LRRC4C: variants seen among roughly 807,000 people sequenced by gnomAD.
LRRC4C encodes the protein leucine-rich repeat-containing protein 4C.
A neutral mutation model predicts 33.6 loss-of-function variants in LRRC4C; 5 were observed. The observed-to-expected ratio is 0.15, with a 90% confidence interval of 0.08 to 0.31. The LOEUF (loss-of-function observed/expected upper bound fraction) is 0.31, where lower values mean the gene tolerates loss of function less well. LRRC4C is among the 10% of genes least tolerant of loss of function. LRRC4C has a pLI of 1.00. For synonymous variants in LRRC4C, 329 were observed against 302.0 expected, an observed-to-expected ratio of 1.09 and a Z score of -0.93; for missense variants, 560 against 796.7, an observed-to-expected ratio of 0.70 and a Z score of 3.58.
chr11:41,444,341 C>T (rs985294076), intron 1 of LRRC4C, among the ~76,000 whole-genome samples: 3 of 152,166 alleles, frequency 2.0e-5, no homozygotes, highest in Admixed American at 2.0e-4. Flanking sequence ...AACTACATAG[C>T]ATTTCTGTTG....
intron 3 of LRRC4C, among the ~76,000 whole-genome samples, chr11:40,443,093 G>A (rs972632775): frequency 2.6e-5 from 4 of 152,126 alleles, no homozygotes; most frequent in African/African-American, 7.2e-5. Flanking sequence ...GGCCAACTGA[G>A]ACTCATAAGA....
intron 2 of LRRC4C, among the ~76,000 whole-genome samples, chr11:40,849,514 T>G (rs569706745): frequency 6.6e-6 from 1 of 152,330 alleles, no homozygotes; most frequent in Non-Finnish European, 1.5e-5. Flanking sequence ...AGATCCCCTG[T>G]TAGTCTGATG....
At chr11:40,745,807 C>T (rs1948388663) in intron 2 of LRRC4C, among the ~76,000 whole-genome samples, 1 of 152,016 alleles carries the variant, frequency 6.6e-6, no homozygotes, top group South Asian at 2.1e-4. Flanking sequence ...ACCTATTGTT[C>T]CTGGAAGGAA....
intron 3 of LRRC4C, among the ~76,000 whole-genome samples, chr11:40,612,392 G>T (rs1961318460): frequency 6.6e-6 from 1 of 151,778 alleles, no homozygotes; most frequent in African/African-American, 2.4e-5. Context: ...GGGATAAAGA[G>T]GTAATGAGGA....
intron 3 of LRRC4C, among the ~76,000 whole-genome samples, chr11:40,412,481 T>G (rs1269204589): frequency 1.3e-5 from 2 of 152,064 alleles, no homozygotes; most frequent in African/African-American, 4.8e-5. Context: ...CCTTCTTACA[T>G]GTAATGATTT....
chr11:41,124,377 A>C (rs2902117), intron 1 of LRRC4C, among the ~76,000 whole-genome samples: 29,565 of 152,174 alleles, frequency 0.19, 3,090 homozygotes, highest in Non-Finnish European at 0.24. Flanking sequence ...TCAGTAAAAA[A>C]TATAAGCCAC....
chr11:41,376,005 A>T (rs1171271479), intron 1 of LRRC4C, among the ~76,000 whole-genome samples: 1 of 152,002 alleles, frequency 6.6e-6, no homozygotes, highest in South Asian at 2.1e-4. Context: ...ATTCACATAT[A>T]AATTGATATT....
At chr11:40,912,206 A>G (rs1213027992) in intron 2 of LRRC4C, among the ~76,000 whole-genome samples, 2 of 152,124 alleles carry the variant, frequency 1.3e-5, no homozygotes, top group Non-Finnish European at 2.9e-5. Flanking sequence ...TGCCACAAAG[A>G]TACTCCTTGA....
At chr11:40,830,193 G>T (rs1322849598) in intron 2 of LRRC4C, among the ~76,000 whole-genome samples, 1 of 152,042 alleles carries the variant, frequency 6.6e-6, no homozygotes, top group Non-Finnish European at 1.5e-5. Context: ...CAATAACTGC[G>T]GTTGAATATG....
At chr11:40,532,733 G>T (rs2135323388) in intron 3 of LRRC4C, among the ~76,000 whole-genome samples, 1 of 152,084 alleles carries the variant, frequency 6.6e-6, no homozygotes, top group African/African-American at 2.4e-5. Context: ...GTAAGAATAA[G>T]CATGGGACCA....
intron 2 of LRRC4C, among the ~76,000 whole-genome samples, chr11:40,663,706 G>A (rs1279024393): frequency 6.6e-6 from 1 of 152,166 alleles, no homozygotes; most frequent in Non-Finnish European, 1.5e-5. Flanking sequence ...TCAACATGAA[G>A]TTATACAAGT....
At chr11:40,179,963 T>C (rs1014692427) in intron 5 of LRRC4C, among the ~76,000 whole-genome samples, 2 of 152,178 alleles carry the variant, frequency 1.3e-5, no homozygotes, top group Non-Finnish European at 2.9e-5. Flanking sequence ...AATAGATAGA[T>C]GTATCACACT....
At chr11:40,893,619 T>C (rs1252812813) in intron 2 of LRRC4C, among the ~76,000 whole-genome samples, 1 of 152,082 alleles carries the variant, frequency 6.6e-6, no homozygotes, top group East Asian at 1.9e-4. Flanking sequence ...ACTTAGATGA[T>C]TTAATCTCAC....
At chr11:41,174,834 G>A (rs988394948) in intron 1 of LRRC4C, among the ~76,000 whole-genome samples, 10 of 151,688 alleles carry the variant, frequency 6.6e-5, no homozygotes, top group African/African-American at 2.4e-4. Flanking sequence ...TCTTAGAAAA[G>A]CACCTCAAAT....
chr11:41,327,258 A>G (rs1951150762), intron 1 of LRRC4C, among the ~76,000 whole-genome samples: 1 of 152,170 alleles, frequency 6.6e-6, no homozygotes, highest in Non-Finnish European at 1.5e-5. Flanking sequence ...ATTACAATGT[A>G]GTTGGTGTGT....
At chr11:40,685,911 C>A (rs897607437) in intron 2 of LRRC4C, among the ~76,000 whole-genome samples, 10 of 151,842 alleles carry the variant, frequency 6.6e-5, no homozygotes, top group African/African-American at 2.2e-4. Flanking sequence ...TAAAAATGAT[C>A]CTTGACTCTA....
chr11:40,744,998 T>C (rs1456500368), intron 2 of LRRC4C, among the ~76,000 whole-genome samples: 1 of 152,170 alleles, frequency 6.6e-6, no homozygotes, highest in Non-Finnish European at 1.5e-5. Flanking sequence ...ATCTCAAAGT[T>C]TGTTTAAATT....
In LRRC4C at chr11:40,116,205, G is replaced by C. The variant is rs1364422501; in HGVS notation, c.88C>G (p.Leu30Val). The C allele has an allele frequency of 1.2e-6, 2 of 1,614,010 alleles. No individual in the cohort carries two copies. The highest frequency in any genetic ancestry group is 2.2e-5 in the South Asian group (2 of 91,080). Residue 30 changes from leucine (L) to valine (V), a missense_variant, in exon 7 of 7, where the codon CTG (leucine) becomes GTG (valine). Transcript: ENST00000528697. ...ACCACAAGAAGTTGAAGAGCCAGCA[G>C]CACCACAAGCAGGGGGTCAAATAGG... ...RALFDPLLVV[L>V]LALQLLVVAG...
chr11:40,125,224 T>C (rs1043508915), intron 6 of LRRC4C, among the ~76,000 whole-genome samples: 4 of 152,108 alleles, frequency 2.6e-5, no homozygotes, highest in African/African-American at 9.7e-5. Context: ...TTTCTCCCAC[T>C]AATAAGAAGA....
Sources: gnomAD v4.1 joint callset for allele counts (sites outside exome capture counted in the v4.1 genomes callset) on GRCh38, gnomAD v4.1.1 for gene constraint, MANE v1.5 for transcripts, NCBI Gene and HGNC (gene_info 2026-07-23, HGNC 2026-07-21) for gene names.